EDNRA: variants seen among roughly 807,000 people sequenced by gnomAD.
EDNRA encodes the protein endothelin-1 receptor.
A neutral mutation model predicts 41.4 loss-of-function variants in EDNRA; 11 were observed. The ratio of observed to expected loss-of-function variants is 0.27; its 90% CI spans 0.17 to 0.44. EDNRA has a LOEUF of 0.44. Ranked by LOEUF, EDNRA falls within the 20% of genes least tolerant of loss-of-function variation. The pLI is 1.00. For synonymous variants in EDNRA, 172 were observed against 183.0 expected (o/e 0.94, Z 0.49); for missense variants, 294 against 531.0 (o/e 0.55, Z 4.39).
At chr4:147,491,784 A>G (rs1185433121) in intron 2 of EDNRA, 2 of 152,234 alleles carry the variant, frequency 1.3e-5, no homozygotes, top group Non-Finnish European at 2.9e-5. Flanking sequence ...TCATGCTATC[A>G]TCATAAAATT....
At chr4:147,526,776 T>C (rs1178842100) in intron 3 of EDNRA, among the ~76,000 whole-genome samples, 1 of 152,128 alleles carries the variant, frequency 6.6e-6, no homozygotes, top group Admixed American at 6.5e-5. Context: ...GAGATCCTTG[T>C]CTCTACAAAA....
rs569818638 is a variant in EDNRA, at chr4:147,502,379, T to G, written c.420+16278T>G. Among the ~76,000 whole-genome samples, 12 of 152,290 alleles carry G rather than the reference T, an allele frequency of 7.9e-5. No homozygotes were observed. In the South Asian group the frequency reaches 1.7e-3, roughly 21 times the overall value. ...AAATATATAAACTCTAATTATTAAA[T>G]TATTGATATTTAGAAGAAGGATTTG... On this transcript the variant is annotated intron_variant, in intron 2 of 7. Transcript: ENST00000651419.
chr4:147,540,277 C>A, intron 6 of EDNRA, 100 bp from the exon 7 acceptor site: 1 of 1,033,322 alleles, frequency 9.7e-7, no homozygotes, highest in Non-Finnish European at 1.4e-6. Flanking sequence ...TACGAAATGG[C>A]TTCTGGGCAA....
Position 147,542,735 on chromosome 4 carries a change from C to T in EDNRA, c.*117C>T, listed in dbSNP as rs1578821979. ...CCTTCTTCCTTAATTCACTCCCACA[C>T]CCAAGAAGAAATGCTTTCCAAAACC... On this transcript the variant is annotated 3_prime_UTR_variant, in exon 8 of 8. Transcript: ENST00000651419. The T allele has an allele frequency of 1.5e-6, 2 of 1,362,678 alleles. No individual in the cohort carries two copies. The highest frequency in any genetic ancestry group is 4.9e-5 in the East Asian group (2 of 40,692). 84.4% of individuals were successfully genotyped at this position (1,362,678 alleles called of 1,614,324 possible).
chr4:147,481,426 G>A (rs1381610214), intron 1 of EDNRA, 50 bp downstream of exon 1: 1 of 152,580 alleles, frequency 6.6e-6, no homozygotes, highest in Non-Finnish European at 1.5e-5. Flanking sequence ...CGGGTGCGGG[G>A]ATGGCGGAGA....
In EDNRA at chr4:147,523,486, T is replaced by G. The variant is rs1267423253; in HGVS notation, c.548+3508T>G. Among the ~76,000 whole-genome samples the G allele has an allele frequency of 3.3e-4, 46 of 138,538 alleles. 1 individual carries two copies. The highest frequency in any genetic ancestry group is 7.4e-4 in the African/African-American group (23 of 31,038). 90.9% of individuals were successfully genotyped at this position (138,538 alleles called of 152,430 possible). A position where few individuals can be genotyped will look rare whatever the true frequency, so the allele number is the denominator to read the frequency against. On this transcript the variant is annotated intron_variant, in intron 3 of 7. Coordinates refer to ENST00000651419, the MANE Select transcript of EDNRA (RefSeq NM_001957.4). ...GTTTTTTTTTGTTGTTGTTGTTTTT[T>G]TGTTTTTTTTGTTTTTTTTTTTGAG...
chr4:147,486,131 A>G lies in EDNRA; in HGVS notation c.420+30A>G, dbSNP rs997248649. On this transcript the variant is annotated intron_variant, in intron 2 of 7. Transcript: ENST00000651419. This position sits in a 1 kb window ranked among gnomAD's most constrained non-coding sequence, Gnocchi z 4.3. ...GAAGTAACCACAAATGTATTTGCAA[A>G]TTTAAACCCATGCTCTGATTCCACG... The G allele has an allele frequency of 1.3e-6, 2 of 1,575,030 alleles. No individual in the cohort carries two copies. Among genetic ancestry groups the G allele is most frequent in the African/African-American group, 2.7e-5 (2 of 74,128 alleles).
chr4:147,534,681 G>A (rs1364076016), intron 4 of EDNRA, among the ~76,000 whole-genome samples: 1 of 151,994 alleles, frequency 6.6e-6, no homozygotes, highest in Non-Finnish European at 1.5e-5. Flanking sequence ...ACCATCACTA[G>A]GTTTGTTATT....
chr4:147,513,657 C>G (rs9308220), intron 2 of EDNRA, among the ~76,000 whole-genome samples: 10,941 of 152,178 alleles, frequency 0.072, 1,279 homozygotes, highest in African/African-American at 0.25. Context: ...GTTTTTAAAG[C>G]CTGATACCTG....
intron 2 of EDNRA, among the ~76,000 whole-genome samples, chr4:147,500,258 C>T (rs1447167428): frequency 6.6e-6 from 1 of 152,086 alleles, no homozygotes; most frequent in African/African-American, 2.4e-5. Flanking sequence ...AAATCAGGGA[C>T]TATTTCTTTA....
At position 147,519,809 on chromosome 4, in the gene EDNRA, G is replaced by T. The variant is rs1489444527; in HGVS notation, c.421-42G>T. The T allele has an allele frequency of 1.9e-6, 3 of 1,604,904 alleles. No individual in the cohort carries two copies. Among genetic ancestry groups the T allele is most frequent in the Non-Finnish European group, 2.6e-6 (3 of 1,175,242 alleles). Reference sequence around the variant, plus strand: ...AACTGTAAGTGCCCACATGCTCCGTGCCAGCTCTACCATTTCTTACCACTG... The same window carrying T: ...AACTGTAAGTGCCCACATGCTCCGTTCCAGCTCTACCATTTCTTACCACTG... On this transcript the variant is annotated intron_variant, in intron 2 of 7. Coordinates refer to ENST00000651419, the MANE Select transcript of EDNRA (RefSeq NM_001957.4). The surrounding 1 kb of genome is among the most constrained non-coding windows in gnomAD (Gnocchi z 4.1).
intron 3 of EDNRA, among the ~76,000 whole-genome samples, chr4:147,528,575 TCGCCCC>T (rs1420162925): frequency 6.6e-6 from 1 of 152,066 alleles, no homozygotes; most frequent in Non-Finnish European, 1.5e-5. Flanking sequence ...TGTCAAGCGA[TCGCCCC>T]CCTCAGCCTT....
chr4:147,527,773 T>C (rs1438528078), intron 3 of EDNRA, among the ~76,000 whole-genome samples: 2 of 152,198 alleles, frequency 1.3e-5, no homozygotes, highest in Non-Finnish European at 2.9e-5. Flanking sequence ...TATTTTGGCC[T>C]ATCACATGAC....
At chr4:147,536,297 G>A (rs966376295) in intron 5 of EDNRA, among the ~76,000 whole-genome samples, 2 of 152,192 alleles carry the variant, frequency 1.3e-5, no homozygotes, top group Admixed American at 6.5e-5. Flanking sequence ...ATGTGTGTAT[G>A]TGAGTTCGTG....
intron 2 of EDNRA, among the ~76,000 whole-genome samples, chr4:147,514,466 T>C (rs1043918522): frequency 6.6e-6 from 1 of 152,000 alleles, no homozygotes; most frequent in Non-Finnish European, 1.5e-5. Context: ...GATTTTTTCT[T>C]TTTCTTTTTC....
intron 4 of EDNRA, among the ~76,000 whole-genome samples, chr4:147,534,640 T>C (rs529081208): frequency 6.6e-6 from 1 of 152,328 alleles, no homozygotes; most frequent in Admixed American, 6.5e-5. Flanking sequence ...CTTCAGAACT[T>C]CAACACTTCA....
At chr4:147,496,167 A>G (rs1193897370) in intron 2 of EDNRA, 2 of 152,236 alleles carry the variant, frequency 1.3e-5, no homozygotes, top group South Asian at 4.1e-4. Flanking sequence ...CGTAAGTTTT[A>G]TGCCACAAAA....
intron 2 of EDNRA, among the ~76,000 whole-genome samples, chr4:147,499,073 C>A (rs143846481): frequency 1.3e-5 from 2 of 151,954 alleles, no homozygotes; most frequent in Non-Finnish European, 2.9e-5. Context: ...CTTCTTTTTT[C>A]GAGAAAGGGC....
intron 5 of EDNRA, 90 bp from the exon 6 acceptor site, chr4:147,539,727 T>C: frequency 7.1e-7 from 1 of 1,402,308 alleles, no homozygotes; most frequent in East Asian, 2.3e-5. Flanking sequence ...ATTCTTTCTC[T>C]GGTGTCTGCT....
Sources: gnomAD v4.1 joint callset for allele counts (sites outside exome capture counted in the v4.1 genomes callset) on GRCh38, gnomAD v4.1.1 for gene constraint, Gnocchi (gnomAD v3.1) non-coding constraint, MANE v1.5 for transcripts, NCBI Gene and HGNC (gene_info 2026-07-23, HGNC 2026-07-21) for gene names.